Variants in NRF1 observed in about 807,000 individuals in gnomAD.
NRF1 encodes nuclear respiratory factor 1, also known as alpha palindromic-binding protein.
A neutral mutation model predicts 58.5 loss-of-function variants in NRF1; 5 were observed. That is an observed-to-expected ratio of 0.09 (90% confidence interval 0.04 to 0.18). The LOEUF (loss-of-function observed/expected upper bound fraction) is 0.18. Ranked by LOEUF, NRF1 falls within the 10% of genes least tolerant of loss-of-function variation. The pLI, the probability that NRF1 is intolerant of heterozygous loss-of-function variation, is 1.00. For synonymous variants in NRF1, 224 were observed against 246.7 expected (o/e 0.91, Z 0.86); for missense variants, 288 against 657.7 (o/e 0.44, Z 6.15).
chr7:129,729,250 C>T (rs1803523098), intron 10 of NRF1, among the ~76,000 whole-genome samples: 2 of 152,206 alleles, frequency 1.3e-5, no homozygotes, highest in African/African-American at 4.8e-5. Flanking sequence ...TCCAAGGACC[C>T]TCTGGCTCTC....
At chr7:129,633,757 A>C (rs1231998162) in intron 1 of NRF1, 1 of 151,820 alleles carries the variant, frequency 6.6e-6, no homozygotes. Context: ...TGTATTCAGC[A>C]CTAGATAACC....
At chr7:129,726,759 T>A (rs1167280063) in intron 9 of NRF1, among the ~76,000 whole-genome samples, 1 of 152,250 alleles carries the variant, frequency 6.6e-6, no homozygotes, top group South Asian at 2.1e-4. Context: ...TCCAGGTTGC[T>A]GCTGACTCCT....
chr7:129,736,721 C>T (rs774799887), intron 10 of NRF1, among the ~76,000 whole-genome samples: 11 of 149,144 alleles, frequency 7.4e-5, no homozygotes, highest in African/African-American at 2.2e-4. Context: ...CCCACCCCCA[C>T]CCCCACCCCT....
At chr7:129,738,830 T>C (rs1056209232) in intron 10 of NRF1, among the ~76,000 whole-genome samples, 1 of 152,240 alleles carries the variant, frequency 6.6e-6, no homozygotes, top group Non-Finnish European at 1.5e-5. Flanking sequence ...ATAGTAAGAC[T>C]GGAAATCATA....
chr7:129,748,022 T>C (rs1358045116), intron 10 of NRF1, among the ~76,000 whole-genome samples: 3 of 152,052 alleles, frequency 2.0e-5, no homozygotes, highest in Non-Finnish European at 4.4e-5. Flanking sequence ...ATGCCTATAA[T>C]CCCAGCACTT....
intron 9 of NRF1, among the ~76,000 whole-genome samples, chr7:129,718,469 C>T (rs1803241755): frequency 1.3e-5 from 2 of 152,340 alleles, no homozygotes; most frequent in South Asian, 4.1e-4. Context: ...ACTCTTGCGG[C>T]ATGCCAGCTC....
At chr7:129,751,497 G>C (rs1345760133) in intron 10 of NRF1, among the ~76,000 whole-genome samples, 1 of 152,176 alleles carries the variant, frequency 6.6e-6, no homozygotes, top group Non-Finnish European at 1.5e-5. Flanking sequence ...TTAACAATTG[G>C]GCATGGGCCC....
rs2116335376 is a variant in NRF1, at chr7:129,755,065, C to T, written c.1396C>T (p.Leu466Phe). 1 of 1,613,822 alleles carries T rather than the reference C, an allele frequency of 6.2e-7. No homozygotes were observed. The highest frequency in any genetic ancestry group is 8.5e-7 in the Non-Finnish European group (1 of 1,179,926). The part of the protein sequence containing the change: ...VSMYQTVVTS[L>F]AQGNGPVQVA... ...CATGTACCAGACTGTGGTGACCAGC[C>T]TCGCCCAGGGCAACGGACCAGTGCA... Residue 466 changes from leucine (L) to phenylalanine (F), a missense_variant, in exon 11 of 11, where the codon CTC (leucine) becomes TTC (phenylalanine). By Grantham distance (22) the Leu-to-Phe change is conservative. Coordinates refer to ENST00000393232, the MANE Select transcript of NRF1 (RefSeq NM_005011.5). This position sits in a 1 kb window ranked among gnomAD's most constrained non-coding sequence, Gnocchi z 5.8.
chr7:129,729,131 C>CT (rs1803519981), intron 10 of NRF1, among the ~76,000 whole-genome samples: 1 of 152,150 alleles, frequency 6.6e-6, no homozygotes, highest in South Asian at 2.1e-4. Flanking sequence ...CAGTAGGAAA[C>CT]TTTATTATCC....
At chr7:129,754,953 C>A (rs986093375) in intron 10 of NRF1, 65 bp from the exon 11 acceptor site, 2 of 1,461,956 alleles carry the variant, frequency 1.4e-6, no homozygotes, top group African/African-American at 2.9e-5. Flanking sequence ...TGGGTGCCCC[C>A]GTCCAGCCAG....
chr7:129,691,503 GGCT>G (rs1802567976), intron 5 of NRF1, among the ~76,000 whole-genome samples: 1 of 151,182 alleles, frequency 6.6e-6, no homozygotes. Flanking sequence ...TATAGGTGCG[GGCT>G]ACCACACCTG....
intron 1 of NRF1, among the ~76,000 whole-genome samples, chr7:129,620,161 T>G (rs1800759830): frequency 6.6e-6 from 1 of 152,152 alleles, no homozygotes; most frequent in Non-Finnish European, 1.5e-5. Context: ...CTTGAGTAGG[T>G]GTCTCAGGTG....
intron 2 of NRF1, among the ~76,000 whole-genome samples, chr7:129,662,422 GTT>G (rs1267245835): frequency 2.3e-5 from 3 of 128,146 alleles, no homozygotes; most frequent in African/African-American, 9.4e-5. Context: ...GTGTGTGTGT[GTT>G]TCCTCCGAGA....
intron 1 of NRF1, among the ~76,000 whole-genome samples, chr7:129,621,757 A>G (rs956053117): frequency 3.4e-5 from 5 of 147,636 alleles, no homozygotes; most frequent in African/African-American, 5.0e-5. Flanking sequence ...TGGCTCTATT[A>G]TTTTAAAAGT....
At chr7:129,671,051 T>A (rs1464296530) in intron 2 of NRF1, among the ~76,000 whole-genome samples, 6 of 152,188 alleles carry the variant, frequency 3.9e-5, no homozygotes, top group Non-Finnish European at 8.8e-5. Context: ...AATCTGTAAA[T>A]TTTTTCAATT....
rs760861466 is a variant in NRF1 at position 129,755,227 on chromosome 7, T to G, written c.*46T>G. On this transcript the variant is annotated 3_prime_UTR_variant, in exon 11 of 11. Coordinates refer to ENST00000393232, the MANE Select transcript of NRF1 (RefSeq NM_005011.5). The surrounding 1 kb of genome is among the most constrained non-coding windows in gnomAD (Gnocchi z 5.8). ...TCGTTTTCTAGTCTACTTCAAAATT[T>G]TTTACACGTTTGCAGAGGTGCAATC... The G allele has an allele frequency of 6.7e-7, 1 of 1,491,450 alleles. No individual in the cohort carries two copies. Among genetic ancestry groups the G allele is most frequent in the Non-Finnish European group, 9.0e-7 (1 of 1,112,828 alleles). 92.4% of individuals were successfully genotyped at this position (1,491,450 alleles called of 1,614,324 possible).
chr7:129,725,066 G>GA (rs1428226385), intron 9 of NRF1, among the ~76,000 whole-genome samples: 1 of 152,078 alleles, frequency 6.6e-6, no homozygotes, highest in African/African-American at 2.4e-5. Context: ...AAACAAAAAT[G>GA]AAAAAATCAT....
At chr7:129,672,200 C>CT (rs58022845) in intron 3 of NRF1, among the ~76,000 whole-genome samples, 37,286 of 116,792 alleles carry the variant, frequency 0.32, 6,739 homozygotes, top group African/African-American at 0.44. Context: ...GCCAGGAGAT[C>CT]TTTTTTTTTT....
chr7:129,650,790 G>T (rs1463353275), intron 1 of NRF1, among the ~76,000 whole-genome samples: 1 of 151,942 alleles, frequency 6.6e-6, no homozygotes, highest in Non-Finnish European at 1.5e-5. Context: ...TTGTCCAGGG[G>T]TTCTGGATAT....
Sources: gnomAD v4.1 joint callset for allele counts (sites outside exome capture counted in the v4.1 genomes callset) on GRCh38, gnomAD v4.1.1 for gene constraint, Gnocchi (gnomAD v3.1) non-coding constraint, MANE v1.5 for transcripts, NCBI Gene and HGNC (gene_info 2026-07-23, HGNC 2026-07-21) for gene names.